The following ALK variants were observed in gnomAD, a reference collection of about 807,000 sequenced individuals.
The protein encoded by ALK is ALK tyrosine kinase receptor.
ALK carries 74 observed loss-of-function variants against 163.1 expected under a neutral mutation model. The ratio of observed to expected loss-of-function variants is 0.45; its 90% CI spans 0.38 to 0.55. ALK has a LOEUF of 0.55. Among genes scored for constraint, ALK ranks in the 20% least tolerant of loss-of-function variants. The probability of loss-of-function intolerance (pLI) is 0.00; values close to 1 mark genes in which losing one functional copy is unlikely to be tolerated. For synonymous variants in ALK, 960 were observed against 843.2 expected (o/e 1.14, Z -2.40); for missense variants, 2,063 against 2,105.3 (o/e 0.98, Z 0.39).
At chr2:29,439,036 C>T (rs1287813923) in intron 4 of ALK, among the ~76,000 whole-genome samples, 3 of 152,208 alleles carry the variant, frequency 2.0e-5, no homozygotes, top group Non-Finnish European at 2.9e-5. Context: ...GCTGAGAGAA[C>T]TGGTGTTGGC....
At chr2:29,307,825 G>C (rs1404959747) in intron 8 of ALK, among the ~76,000 whole-genome samples, 1 of 152,168 alleles carries the variant, frequency 6.6e-6, no homozygotes, top group Non-Finnish European at 1.5e-5. Context: ...TGCAATTATG[G>C]AGGCTTAAGA....
Position 29,670,305 on chromosome 2 carries a change from AT to A in ALK, c.952+24544del, listed in dbSNP as rs558877744. 2.6e-5 allele frequency among the ~76,000 whole-genome samples: 4 copies of A among 152,068 alleles called. No individual in the cohort carries two copies. The South Asian group carries it at 8.3e-4, about 32-fold the overall frequency. On this transcript the variant is annotated intron_variant, in intron 3 of 28. Transcript: ENST00000389048. Reference sequence around the variant, plus strand: ...GAGCACAGTATTCTTGGAAGGCAGAATTTTTTTCCTTTGGGCACTTTGAAAA... The same window carrying A: ...GAGCACAGTATTCTTGGAAGGCAGAATTTTTTCCTTTGGGCACTTTGAAAA...
At chr2:29,422,122 T>C (rs1433768622) in intron 4 of ALK, among the ~76,000 whole-genome samples, 1 of 151,430 alleles carries the variant, frequency 6.6e-6, no homozygotes, top group African/African-American at 2.5e-5. Flanking sequence ...CAAAGCCAGG[T>C]AGTCTTTTTG....
chr2:29,831,739 G>T (rs570820266), intron 1 of ALK, among the ~76,000 whole-genome samples: 1 of 152,102 alleles, frequency 6.6e-6, no homozygotes, highest in Non-Finnish European at 1.5e-5. Flanking sequence ...GCTAAATGAC[G>T]ATATACATAT....
intron 1 of ALK, among the ~76,000 whole-genome samples, chr2:29,911,235 G>A (rs1667695424): frequency 6.6e-6 from 1 of 152,198 alleles, no homozygotes; most frequent in African/African-American, 2.4e-5. Context: ...ATGATTCAGT[G>A]AGTGCAGAGG....
chr2:29,863,508 T>A (rs930406333), intron 1 of ALK, among the ~76,000 whole-genome samples: 14 of 150,808 alleles, frequency 9.3e-5, no homozygotes, highest in African/African-American at 3.4e-4. Context: ...CCAATAAGAA[T>A]ATTTTTTTTT....
At chr2:29,657,894 G>A (rs1677233398) in intron 3 of ALK, among the ~76,000 whole-genome samples, 1 of 152,052 alleles carries the variant, frequency 6.6e-6, no homozygotes, top group African/African-American at 2.4e-5. Flanking sequence ...CAAACCAGCA[G>A]CTTATTATTA....
At chr2:29,914,372 A>G (rs1270573318) in intron 1 of ALK, among the ~76,000 whole-genome samples, 2 of 152,206 alleles carry the variant, frequency 1.3e-5, no homozygotes, top group East Asian at 3.9e-4. Flanking sequence ...ATTGCCACAC[A>G]TGGCCACACA....
intron 1 of ALK, among the ~76,000 whole-genome samples, chr2:29,795,019 T>G (rs1055778625): frequency 1.3e-5 from 2 of 152,196 alleles, no homozygotes; most frequent in Non-Finnish European, 2.9e-5. Flanking sequence ...AGTATGTCTG[T>G]GTTACAACTG....
intron 1 of ALK, among the ~76,000 whole-genome samples, chr2:29,879,894 G>A (rs1249095668): frequency 2.6e-5 from 4 of 152,190 alleles, no homozygotes. Context: ...TCAAAGAAAA[G>A]AAAGGCCGCC....
At chr2:29,752,343 C>CTTTTCTTT (rs920441534) in intron 1 of ALK, among the ~76,000 whole-genome samples, 3 of 138,296 alleles carry the variant, frequency 2.2e-5, no homozygotes, top group African/African-American at 8.4e-5. Context: ...CTGCTATTTT[C>CTTTTCTTT]TTTTCTTTTT....
At chr2:29,754,819 T>A (rs1401477213) in intron 1 of ALK, among the ~76,000 whole-genome samples, 3 of 152,214 alleles carry the variant, frequency 2.0e-5, no homozygotes, top group Non-Finnish European at 4.4e-5. Flanking sequence ...CTAATATTAT[T>A]TCTCAGAAAA....
At position 29,545,710 on chromosome 2, in the gene ALK, G is replaced by A. The variant is rs572344506; in HGVS notation, c.953-13594C>T. Among the ~76,000 whole-genome samples the A allele has an allele frequency of 2.6e-5, 4 of 152,278 alleles. No homozygotes were observed. In the South Asian group the frequency reaches 8.3e-4, roughly 32 times the overall value. On this transcript the variant is annotated intron_variant, in intron 3 of 28. Coordinates refer to ENST00000389048, the MANE Select transcript of ALK (RefSeq NM_004304.5). ...TACTCTCCACCACCAGGACTTACAT[G>A]TATTGCTTTTCTGCACCTTCATTCG...
intron 14 of ALK, among the ~76,000 whole-genome samples, chr2:29,233,363 C>T (rs756096237): frequency 6.6e-6 from 1 of 152,148 alleles, no homozygotes; most frequent in South Asian, 2.1e-4. Flanking sequence ...CCAAGCTGAT[C>T]GTGAATTCCT....
chr2:29,774,350 T>C (rs1180130474), intron 1 of ALK, among the ~76,000 whole-genome samples: 1 of 152,200 alleles, frequency 6.6e-6, no homozygotes, highest in African/African-American at 2.4e-5. Context: ...ACTGTGGGGT[T>C]GAAGCTGTGG....
chr2:29,325,167 C>G (rs975209801), intron 6 of ALK, among the ~76,000 whole-genome samples: 4 of 152,016 alleles, frequency 2.6e-5, no homozygotes, highest in Admixed American at 6.6e-5. Flanking sequence ...ACTACCCTGG[C>G]CCAAGATGAA....
chr2:29,585,041 G>C (rs1484378653), intron 3 of ALK, among the ~76,000 whole-genome samples: 1 of 152,090 alleles, frequency 6.6e-6, no homozygotes, highest in Non-Finnish European at 1.5e-5. Flanking sequence ...AAATTGCATG[G>C]CATGGTTTTT....
intron 8 of ALK, among the ~76,000 whole-genome samples, chr2:29,310,117 C>T (rs1218562807): frequency 1.3e-5 from 2 of 152,144 alleles, no homozygotes; most frequent in Admixed American, 1.3e-4. Context: ...GGTCATATGG[C>T]TCCTCAGTGG....
At chr2:29,368,394 G>C (rs1378337184) in intron 5 of ALK, among the ~76,000 whole-genome samples, 1 of 152,184 alleles carries the variant, frequency 6.6e-6, no homozygotes, top group African/African-American at 2.4e-5. Context: ...ATGAGAGACA[G>C]TGGCCCCTCA....
Sources: gnomAD v4.1 joint callset for allele counts (sites outside exome capture counted in the v4.1 genomes callset) on GRCh38, gnomAD v4.1.1 for gene constraint, MANE v1.5 for transcripts, NCBI Gene and HGNC (gene_info 2026-07-23, HGNC 2026-07-21) for gene names.